Variants in CYSLTR2 observed in about 807,000 individuals in gnomAD.
CYSLTR2 encodes G-protein coupled receptor GPCR21.
For synonymous variants in CYSLTR2, 179 were observed against 160.8 expected, an observed-to-expected ratio of 1.11 and a Z score of -0.86; for missense variants, 398 against 411.9, an observed-to-expected ratio of 0.97 and a Z score of 0.29.
intron 1 of CYSLTR2, among the ~76,000 whole-genome samples, chr13:48,683,129 T>C (rs1467493002): frequency 1.3e-5 from 2 of 152,236 alleles, no homozygotes; most frequent in East Asian, 1.9e-4. Context: ...CAGTCTACCA[T>C]TGATGGGCAT....
In CYSLTR2 at chr13:48,685,284, G is replaced by A. The variant is rs1017886882; in HGVS notation, c.-265-5928G>A. Among the ~76,000 whole-genome samples the A allele has an allele frequency of 1.6e-5, 2 of 122,364 alleles. 1 individual carries two copies. The highest frequency in any genetic ancestry group is 3.8e-5 in the Non-Finnish European group (2 of 52,412). 80.3% of individuals were successfully genotyped at this position (122,364 alleles called of 152,430 possible). A position where few individuals can be genotyped will look rare whatever the true frequency, so the allele number is the denominator to read the frequency against. On this transcript the variant is annotated intron_variant, in intron 1 of 4. Coordinates refer to ENST00000682523, the MANE Select transcript of CYSLTR2 (RefSeq NM_001308476.3). Reference sequence around the variant, plus strand: ...AACACTCACGAGAACTCACTCACGAGAACTCACTCACTATCATGAGAACAG... The same window carrying A: ...AACACTCACGAGAACTCACTCACGAAAACTCACTCACTATCATGAGAACAG...
intron 1 of CYSLTR2, among the ~76,000 whole-genome samples, chr13:48,685,983 T>C (rs551268937): frequency 1.3e-5 from 2 of 152,330 alleles, no homozygotes; most frequent in South Asian, 4.1e-4. Context: ...GAGCTTGCCA[T>C]GTTTCTCAGG....
rs1954535082 is a variant in CYSLTR2, at chr13:48,707,564, C to T, written c.747C>T (p.Ile249=). 4.4e-6 allele frequency: 7 copies of T among 1,608,650 alleles called. No individual in the cohort carries two copies. The highest frequency in any genetic ancestry group is 5.9e-6 in the Non-Finnish European group (7 of 1,180,000). The part of the protein sequence containing the change: ...RVSHRKALTT[I]IITLIIFFLC... ...CTCACAGGAAGGCACTGACCACCAT[C>T]ATCATCACCTTGATCATCTTCTTCT... The change falls in exon 5 of 5, where the codon ATC becomes ATT. Residue 249 remains isoleucine, a synonymous_variant. Coordinates refer to ENST00000682523, the MANE Select transcript of CYSLTR2 (RefSeq NM_001308476.3).
At chr13:48,690,554 G>A (rs965839236) in intron 1 of CYSLTR2, among the ~76,000 whole-genome samples, 2 of 152,072 alleles carry the variant, frequency 1.3e-5, no homozygotes, top group East Asian at 1.9e-4. Context: ...GATGGATTAC[G>A]TTTATTGATT....
At chr13:48,697,369 C>T (rs1039862253) in intron 4 of CYSLTR2, among the ~76,000 whole-genome samples, 6 of 152,128 alleles carry the variant, frequency 3.9e-5, no homozygotes, top group Middle Eastern at 3.2e-3. Flanking sequence ...GCTGTTCTGC[C>T]GCTTCCACTG....
chr13:48,681,331 C>T (rs1331965403), intron 1 of CYSLTR2, among the ~76,000 whole-genome samples: 8 of 152,164 alleles, frequency 5.3e-5, no homozygotes, highest in Non-Finnish European at 4.4e-5. Flanking sequence ...TTAGGGGAAA[C>T]GGACCCTTGT....
intron 4 of CYSLTR2, among the ~76,000 whole-genome samples, chr13:48,697,343 C>A (rs1333351874): frequency 6.6e-6 from 1 of 152,170 alleles, no homozygotes; most frequent in Admixed American, 6.5e-5. Flanking sequence ...GCAACATTTG[C>A]CGTTCTTCTA....
At chr13:48,670,547 T>G (rs1953397769) in intron 1 of CYSLTR2, among the ~76,000 whole-genome samples, 1 of 152,216 alleles carries the variant, frequency 6.6e-6, no homozygotes, top group African/African-American at 2.4e-5. Flanking sequence ...CCCTTCCCCA[T>G]TGCTTGTTTT....
At chr13:48,700,245 A>G (rs1954303993) in intron 4 of CYSLTR2, among the ~76,000 whole-genome samples, 1 of 152,258 alleles carries the variant, frequency 6.6e-6, no homozygotes, top group Non-Finnish European at 1.5e-5. Flanking sequence ...GATGTCCTTC[A>G]TGAACATTGA....
At chr13:48,700,545 C>T (rs982491269) in intron 4 of CYSLTR2, among the ~76,000 whole-genome samples, 4 of 152,102 alleles carry the variant, frequency 2.6e-5, no homozygotes, top group East Asian at 1.9e-4. Flanking sequence ...TTATGACAAA[C>T]CCACAGCCAA....
chr13:48,708,301 C>T lies in CYSLTR2; in HGVS notation c.*443C>T, dbSNP rs1291542103. ...GCCCCAGAGCAGAAAAGAAGCACAT[C>T]CTAAGATTCAGGGAAAGACTAACTG... On this transcript the variant is annotated 3_prime_UTR_variant, in exon 5 of 5. Coordinates refer to ENST00000682523, the MANE Select transcript of CYSLTR2 (RefSeq NM_001308476.3). 1.2e-5 allele frequency: 2 copies of T among 168,660 alleles called. No homozygotes were observed. Among genetic ancestry groups the T allele is most frequent in the East Asian group, 3.8e-4 (2 of 5,238 alleles). The allele number at this position is 168,660 out of a possible 1,614,324, so 10.4% of individuals were successfully genotyped here. A position where few individuals can be genotyped will look rare whatever the true frequency, so the allele number is the denominator to read the frequency against.
chr13:48,696,796 T>G (rs1954198854), intron 4 of CYSLTR2, among the ~76,000 whole-genome samples, 170 bp downstream of exon 4: 2 of 152,196 alleles, frequency 1.3e-5, no homozygotes, highest in Non-Finnish European at 2.9e-5. Context: ...ACCCTAATAC[T>G]GTGCTTTTCC....
chr13:48,654,561 C>T (rs1201685591), intron 1 of CYSLTR2, among the ~76,000 whole-genome samples: 1 of 151,884 alleles, frequency 6.6e-6, no homozygotes, highest in Non-Finnish European at 1.5e-5. Context: ...ATATTTTTTC[C>T]ATTCAGTGTC....
At chr13:48,677,868 ATTTT>A (rs746179854) in intron 1 of CYSLTR2, among the ~76,000 whole-genome samples, 3 of 131,686 alleles carry the variant, frequency 2.3e-5, no homozygotes, top group Non-Finnish European at 1.6e-5. Flanking sequence ...GCCTGGTACT[ATTTT>A]TTTTTTTTTT....
Position 48,708,051 on chromosome 13 carries a change from G to T in CYSLTR2, c.*193G>T. ...ATTTTCAGTTGTTGAGTCTTAATGA[G>T]GGATACAGGAGGAAAAATCCCTACT... On this transcript the variant is annotated 3_prime_UTR_variant, in exon 5 of 5. Coordinates refer to ENST00000682523, the MANE Select transcript of CYSLTR2 (RefSeq NM_001308476.3). 2.1e-6 allele frequency: 1 copy of T among 476,296 alleles called. No homozygotes were observed. The highest frequency in any genetic ancestry group is 3.7e-6 in the Non-Finnish European group (1 of 271,456). The allele number at this position is 476,296 out of a possible 1,614,324, so 29.5% of individuals were successfully genotyped here.
chr13:48,659,000 G>A (rs1293246836), intron 1 of CYSLTR2, among the ~76,000 whole-genome samples: 1 of 152,106 alleles, frequency 6.6e-6, no homozygotes, highest in African/African-American at 2.4e-5. Context: ...AGGAGGCTGT[G>A]CCCATTGTGC....
At chr13:48,683,973 T>G (rs1953828484) in intron 1 of CYSLTR2, among the ~76,000 whole-genome samples, 1 of 152,206 alleles carries the variant, frequency 6.6e-6, no homozygotes, top group Non-Finnish European at 1.5e-5. Flanking sequence ...GACTGAAGTA[T>G]AGTGGCATGA....
intron 3 of CYSLTR2, among the ~76,000 whole-genome samples, chr13:48,694,494 G>T (rs994251167): frequency 1.3e-5 from 2 of 152,142 alleles, no homozygotes; most frequent in Non-Finnish European, 2.9e-5. Context: ...AGACTCCAAG[G>T]ATCTATTCCT....
At chr13:48,667,382 G>T (rs1402863335) in intron 1 of CYSLTR2, among the ~76,000 whole-genome samples, 1 of 152,186 alleles carries the variant, frequency 6.6e-6, no homozygotes, top group Non-Finnish European at 1.5e-5. Context: ...AGTCAGCCTG[G>T]GGGGTGGAGG....
Sources: allele counts gnomAD v4.1 joint callset (sites outside exome capture counted in the v4.1 genomes callset), GRCh38; gene constraint gnomAD v4.1.1; transcripts MANE v1.5; gene names NCBI Gene and HGNC (gene_info 2026-07-23, HGNC 2026-07-21).